Variants in FAF1 observed in about 807,000 individuals in gnomAD.
The protein encoded by FAF1 is FAS-associated factor 1.
Under a neutral mutation model 92.5 loss-of-function variants are expected in FAF1, and 25 were observed. That is an observed-to-expected ratio of 0.27 (90% CI 0.20 to 0.38). The LOEUF (loss-of-function observed/expected upper bound fraction) is 0.38, where lower values mean the gene tolerates loss of function less well. Among genes scored for constraint, FAF1 ranks in the 10% least tolerant of loss-of-function variants. FAF1 has a pLI of 1.00. For missense variants in FAF1, 636 were observed against 793.3 expected (o/e 0.80, Z 2.38); for synonymous variants, 234 against 273.2 (o/e 0.86, Z 1.42).
intron 17 of FAF1, among the ~76,000 whole-genome samples, chr1:50,483,125 G>A (rs1191413977): frequency 6.6e-6 from 1 of 152,024 alleles, no homozygotes; most frequent in African/African-American, 2.4e-5. Flanking sequence ...TTTACATTTA[G>A]GTCTATTACC....
At chr1:50,864,073 G>A (rs1403006535) in intron 1 of FAF1, among the ~76,000 whole-genome samples, 9 of 151,590 alleles carry the variant, frequency 5.9e-5, no homozygotes, top group African/African-American at 1.7e-4. Flanking sequence ...TTTTTATTGT[G>A]TCTATTTGAT....
At chr1:50,490,420 GA>G (rs1646819082) in intron 17 of FAF1, among the ~76,000 whole-genome samples, 167 bp downstream of exon 17, 1 of 110,892 alleles carries the variant, frequency 9.0e-6, no homozygotes, top group African/African-American at 3.3e-5. Flanking sequence ...AGGAAGGAAG[GA>G]AGGAAGGAAG....
At chr1:50,582,185 G>T (rs997897152) in intron 12 of FAF1, among the ~76,000 whole-genome samples, 2 of 152,072 alleles carry the variant, frequency 1.3e-5, no homozygotes, top group African/African-American at 2.4e-5. Context: ...TAACTGAAAA[G>T]AATACAAATA....
intron 13 of FAF1, among the ~76,000 whole-genome samples, chr1:50,545,280 T>C (rs188774587): frequency 6.6e-6 from 1 of 152,264 alleles, no homozygotes; most frequent in African/African-American, 2.4e-5. Context: ...TAGCTACATA[T>C]ATATATATAT....
chr1:50,549,111 A>G (rs1041159055), intron 13 of FAF1, among the ~76,000 whole-genome samples: 2 of 152,240 alleles, frequency 1.3e-5, no homozygotes, highest in African/African-American at 4.8e-5. Flanking sequence ...ACAGGAAGTT[A>G]TTCTTTACAC....
At chr1:50,452,198 A>G (rs375221339) in intron 18 of FAF1, 9 of 1,303,862 alleles carry the variant, frequency 6.9e-6, no homozygotes, top group Non-Finnish European at 9.1e-6. Flanking sequence ...TGGAATCTGG[A>G]AGACATAATT....
At chr1:50,841,092 A>G (rs1384042545) in intron 2 of FAF1, among the ~76,000 whole-genome samples, 2 of 152,034 alleles carry the variant, frequency 1.3e-5, no homozygotes, top group African/African-American at 2.4e-5. Context: ...CATCCCAACT[A>G]TAGCACTACT....
chr1:50,495,339 C>T (rs1421795114), intron 15 of FAF1, among the ~76,000 whole-genome samples: 2 of 152,178 alleles, frequency 1.3e-5, no homozygotes, highest in African/African-American at 4.8e-5. Context: ...TTACATTCTA[C>T]AAATTAAGTG....
At chr1:50,507,395 G>A (rs978552121) in intron 15 of FAF1, among the ~76,000 whole-genome samples, 2 of 152,198 alleles carry the variant, frequency 1.3e-5, no homozygotes, top group Admixed American at 6.5e-5. Flanking sequence ...AGGAAGCAGA[G>A]ATTTCAGTAA....
intron 1 of FAF1, among the ~76,000 whole-genome samples, chr1:50,906,714 T>A (rs1401646614): frequency 6.6e-6 from 1 of 152,232 alleles, no homozygotes. Context: ...GCCTGTGATT[T>A]TTGCACATTG....
chr1:50,805,040 CTTAATA>C (rs1327479623), intron 2 of FAF1, among the ~76,000 whole-genome samples: 1 of 152,090 alleles, frequency 6.6e-6, no homozygotes, highest in Non-Finnish European at 1.5e-5. Context: ...TATCTCATTG[CTTAATA>C]TTATTTTTGC....
chr1:50,588,000 A>T (rs962726650), intron 9 of FAF1, among the ~76,000 whole-genome samples: 3 of 152,196 alleles, frequency 2.0e-5, no homozygotes, highest in African/African-American at 7.2e-5. Flanking sequence ...AAAACTAGGT[A>T]TGTCAGCCAG....
At chr1:50,895,353 C>T (rs1229771625) in intron 1 of FAF1, among the ~76,000 whole-genome samples, 1 of 152,086 alleles carries the variant, frequency 6.6e-6, no homozygotes, top group African/African-American at 2.4e-5. Context: ...TAACAAGTAA[C>T]AAGATCAAAG....
At chr1:50,710,404 G>T (rs1284306436) in intron 6 of FAF1, among the ~76,000 whole-genome samples, 1 of 152,136 alleles carries the variant, frequency 6.6e-6, no homozygotes, top group African/African-American at 2.4e-5. Context: ...CATAAAGCCA[G>T]ATCTGAATCC....
rs1227101943 is a variant in FAF1, at chr1:50,820,087, T to A, written c.115-18410A>T. ...ATATGAGGTACTTAAAGTAGTTGAATTCACAGACACAGAAAGCACAATGGT... is the reference window on the plus strand; with the variant it reads ...ATATGAGGTACTTAAAGTAGTTGAAATCACAGACACAGAAAGCACAATGGT... On this transcript the variant is annotated intron_variant, in intron 2 of 18. Coordinates refer to ENST00000396153, the MANE Select transcript of FAF1 (RefSeq NM_007051.3). Among the ~76,000 whole-genome samples the A allele has an allele frequency of 2.0e-5, 3 of 151,624 alleles. No homozygotes were observed. In the East Asian group the frequency reaches 5.8e-4, roughly 29 times the overall value.
At chr1:50,776,847 A>G (rs1165492910) in intron 4 of FAF1, among the ~76,000 whole-genome samples, 1 of 152,182 alleles carries the variant, frequency 6.6e-6, no homozygotes, top group Non-Finnish European at 1.5e-5. Flanking sequence ...TGCCTTAGCA[A>G]TACTACTAAA....
rs1005828368 is a variant in FAF1 at position 50,788,117 on chromosome 1, A to C, written c.250T>G (p.Phe84Val). The C allele has an allele frequency of 6.2e-7, 1 of 1,614,150 alleles. No individual in the cohort carries two copies. Among genetic ancestry groups the C allele is most frequent in the Admixed American group, 1.7e-5 (1 of 60,026 alleles). Reference protein sequence around the residue: ...SAPTSSSSSAFRPVMPSRQIV... With the variant: ...SAPTSSSSSAVRPVMPSRQIV... ...TGCCTGGATGGCATTACAGGTCGAA[A>C]CGCTGAAGAAGAAGAGGAAGTAGGA... The change falls in exon 4 of 19, where the codon TTT (phenylalanine) becomes GTT (valine). Residue 84 changes from phenylalanine (F) to valine (V), a missense_variant. Coordinates refer to ENST00000396153, the MANE Select transcript of FAF1 (RefSeq NM_007051.3).
At chr1:50,609,221 A>G (rs1175067333) in intron 8 of FAF1, among the ~76,000 whole-genome samples, 1 of 152,176 alleles carries the variant, frequency 6.6e-6, no homozygotes, top group East Asian at 1.9e-4. Flanking sequence ...TGCTAGTTCT[A>G]TTTTATGCTA....
chr1:50,690,138 G>A (rs1324925003), intron 7 of FAF1, among the ~76,000 whole-genome samples: 1 of 151,578 alleles, frequency 6.6e-6, no homozygotes, highest in African/African-American at 2.4e-5. Flanking sequence ...TGGGATTACA[G>A]GCACATGTCA....
Sources: allele counts gnomAD v4.1 joint callset (sites outside exome capture counted in the v4.1 genomes callset), GRCh38; gene constraint gnomAD v4.1.1; transcripts MANE v1.5; gene names NCBI Gene and HGNC (gene_info 2026-07-23, HGNC 2026-07-21).